Variants in XIRP2 observed in about 807,000 individuals in gnomAD.
The protein encoded by XIRP2 is xin actin binding repeat containing 2, also known as xin actin-binding repeat-containing protein 2.
XIRP2 carries 236 observed loss-of-function variants against 277.0 expected under a neutral mutation model. That is an observed-to-expected ratio of 0.85 (90% CI 0.77 to 0.95). The LOEUF (loss-of-function observed/expected upper bound fraction) is 0.95. Among genes scored for constraint, XIRP2 ranks in the 40% least tolerant of loss-of-function variants. XIRP2 has a pLI of 0.00. For synonymous variants in XIRP2, 1,490 were observed against 1,416.5 expected (o/e 1.05, Z -1.17); for missense variants, 4,640 against 4,157.5 (o/e 1.12, Z -3.19).
intron 1 of XIRP2, among the ~76,000 whole-genome samples, chr2:166,898,530 C>A (rs1684300185): frequency 6.6e-6 from 1 of 152,060 alleles, no homozygotes; most frequent in African/African-American, 2.4e-5. Context: ...ATTCATTGGA[C>A]ATAGCAAAGA....
In XIRP2 at chr2:167,244,318, G is replaced by T. The variant is rs1024892904; in HGVS notation, c.2926G>T (p.Val976Leu). The T allele has an allele frequency of 6.2e-7, 1 of 1,613,640 alleles. No homozygotes were observed. The highest frequency in any genetic ancestry group is 1.7e-5 in the Admixed American group (1 of 59,960). ...IEVEGVTRGA[V>L]ELNKSLFETT... Reference sequence around the variant, plus strand: ...GGTGGAAGGAGTTACAAGAGGTGCTGTAGAGTTAAATAAATCTCTCTTCGA... The same window carrying T: ...GGTGGAAGGAGTTACAAGAGGTGCTTTAGAGTTAAATAAATCTCTCTTCGA... Residue 976 changes from valine to leucine, a missense_variant, in exon 9 of 11, where the codon GTA becomes TTA. Physicochemically the swap from Val to Leu is conservative, Grantham distance 32. Coordinates refer to ENST00000409195, the MANE Select transcript of XIRP2 (RefSeq NM_152381.6).
At position 167,247,750 on chromosome 2, in the gene XIRP2, AC is replaced by A; in HGVS notation, c.6360del (p.Val2121LeufsTer9). 1 of 1,613,494 alleles carries A rather than the reference AC, an allele frequency of 6.2e-7. No homozygotes were observed. Among genetic ancestry groups the A allele is most frequent in the Non-Finnish European group, 8.5e-7 (1 of 1,179,688 alleles). ...TAATTCCATCCAATCTGCTGGTAAA[AC>A]CGTTGGAAAGCAACAGACATATGAA... ...VFNSIQSAGK[T>X]VGKQQTYELR... On this transcript the variant is annotated frameshift_variant, in exon 9 of 11. Transcript: ENST00000409195. LOFTEE classifies it high-confidence loss of function.
intron 2 of XIRP2, among the ~76,000 whole-genome samples, chr2:166,932,218 T>C (rs868822897): frequency 7.9e-4 from 112 of 141,572 alleles, no homozygotes; most frequent in African/African-American, 2.7e-3. Flanking sequence ...CTCTCTCTCT[T>C]TTTTTTTTTT....
chr2:166,916,037 G>A (rs190070493), intron 2 of XIRP2, among the ~76,000 whole-genome samples: 88 of 152,270 alleles, frequency 5.8e-4, no homozygotes, highest in Non-Finnish European at 2.4e-4. Context: ...GAACCTACAT[G>A]TGCATCAATG....
chr2:167,028,581 G>T (rs981220356), intron 2 of XIRP2, among the ~76,000 whole-genome samples: 3 of 151,906 alleles, frequency 2.0e-5, no homozygotes, highest in African/African-American at 7.2e-5. Flanking sequence ...TATTTGGGAA[G>T]CCTTCCCAAG....
intron 2 of XIRP2, among the ~76,000 whole-genome samples, chr2:167,009,839 GT>G (rs1333912519): frequency 6.6e-6 from 1 of 152,082 alleles, no homozygotes; most frequent in African/African-American, 2.4e-5. Context: ...TTCTTCATGT[GT>G]TTTTTGGCTG....
chr2:167,125,066 G>A (rs1691162359), intron 2 of XIRP2, among the ~76,000 whole-genome samples: 1 of 152,124 alleles, frequency 6.6e-6, no homozygotes. Flanking sequence ...GTTAAATGAG[G>A]GGGCAAGCCA....
chr2:167,077,167 A>C (rs1422085137), intron 2 of XIRP2, among the ~76,000 whole-genome samples: 1 of 151,860 alleles, frequency 6.6e-6, no homozygotes, highest in East Asian at 1.9e-4. Context: ...ATTTATTTTC[A>C]TTTTGCTTTC....
chr2:167,127,031 G>A (rs1691225972), intron 2 of XIRP2, among the ~76,000 whole-genome samples: 1 of 152,010 alleles, frequency 6.6e-6, no homozygotes, highest in Admixed American at 6.6e-5. Flanking sequence ...TTCATTATTA[G>A]TCTTTCCTAA....
chr2:166,976,274 G>A (rs1185179859), intron 2 of XIRP2, among the ~76,000 whole-genome samples: 1 of 152,096 alleles, frequency 6.6e-6, no homozygotes, highest in East Asian at 1.9e-4. Flanking sequence ...TGTTATGTGT[G>A]AAGGCAAGTC....
At chr2:167,168,903 C>T (rs73021984) in intron 3 of XIRP2, among the ~76,000 whole-genome samples, 15,074 of 152,160 alleles carry the variant, frequency 0.099, 803 homozygotes, top group South Asian at 0.16. Flanking sequence ...ATCTTGCATG[C>T]GCTCTTCTTT....
At chr2:167,118,625 G>A (rs576121929) in intron 2 of XIRP2, among the ~76,000 whole-genome samples, 1 of 152,234 alleles carries the variant, frequency 6.6e-6, no homozygotes, top group Admixed American at 6.5e-5. Flanking sequence ...GGAGGATGCA[G>A]CATTCAGAAC....
At chr2:166,925,596 C>CAT (rs3060398) in intron 2 of XIRP2, among the ~76,000 whole-genome samples, 10,110 of 102,086 alleles carry the variant, frequency 0.099, 395 homozygotes, top group Non-Finnish European at 0.16. Context: ...TGTGTATATA[C>CAT]ATATATATAT....
intron 3 of XIRP2, among the ~76,000 whole-genome samples, chr2:167,201,335 AGG>A (rs1693710434): frequency 6.6e-6 from 1 of 151,272 alleles, no homozygotes; most frequent in Non-Finnish European, 1.5e-5. Context: ...GAAGGAAGGA[AGG>A]AAGGAAAGAA....
At chr2:167,001,931 C>T (rs1687385257) in intron 2 of XIRP2, among the ~76,000 whole-genome samples, 1 of 152,030 alleles carries the variant, frequency 6.6e-6, no homozygotes, top group South Asian at 2.1e-4. Flanking sequence ...TTTATTTCAA[C>T]AAACATAGGA....
At chr2:167,128,092 A>G (rs898088437) in intron 2 of XIRP2, among the ~76,000 whole-genome samples, 1 of 152,196 alleles carries the variant, frequency 6.6e-6, no homozygotes, top group African/African-American at 2.4e-5. Context: ...TCATAAAGCC[A>G]TCTCAATTAG....
intron 2 of XIRP2, among the ~76,000 whole-genome samples, chr2:166,904,409 T>G (rs544700639): frequency 6.6e-6 from 1 of 152,286 alleles, no homozygotes; most frequent in South Asian, 2.1e-4. Flanking sequence ...TCTGCTACTT[T>G]ACATGGATCT....
At chr2:167,208,561 G>A (rs1025282727) in intron 3 of XIRP2, among the ~76,000 whole-genome samples, 3 of 152,168 alleles carry the variant, frequency 2.0e-5, no homozygotes, top group Non-Finnish European at 2.9e-5. Flanking sequence ...GCCCGTCTCG[G>A]CCTCCCAGAG....
chr2:167,091,610 T>G (rs1267907714), intron 2 of XIRP2, among the ~76,000 whole-genome samples: 1 of 152,122 alleles, frequency 6.6e-6, no homozygotes, highest in Non-Finnish European at 1.5e-5. Flanking sequence ...AATCATAGTT[T>G]TAATTCTGTA....
Sources: allele counts gnomAD v4.1 joint callset (sites outside exome capture counted in the v4.1 genomes callset), GRCh38; gene constraint gnomAD v4.1.1; transcripts MANE v1.5; gene names NCBI Gene and HGNC (gene_info 2026-07-23, HGNC 2026-07-21).